Variants in TMCC1 observed in about 807,000 individuals in gnomAD.
The protein encoded by TMCC1 is transmembrane and coiled-coil domain family 1.
TMCC1 carries 15 observed loss-of-function variants against 52.4 expected under a neutral mutation model. The observed-to-expected ratio is 0.29, with a 90% CI of 0.19 to 0.44. The LOEUF (loss-of-function observed/expected upper bound fraction) is 0.44. TMCC1 is among the 20% of genes least tolerant of loss of function. TMCC1 has a pLI of 1.00. For missense variants in TMCC1, 503 were observed against 806.0 expected (o/e 0.62, Z 4.55); for synonymous variants, 279 against 301.9 (o/e 0.92, Z 0.79).
chr3:129,883,126 T>TAA lies in TMCC1; in HGVS notation c.-434-2569_-434-2568dup, dbSNP rs1248090142. 5.2e-5 allele frequency among the ~76,000 whole-genome samples: 7 copies of TAA among 135,052 alleles called. No homozygotes were observed. In the East Asian group the frequency reaches 1.9e-3, roughly 36 times the overall value. The allele number at this position is 135,052 out of a possible 152,430, so 88.6% of individuals were successfully genotyped here. A position where few individuals can be genotyped will look rare whatever the true frequency, so the allele number is the denominator to read the frequency against. On this transcript the variant is annotated intron_variant, in intron 1 of 6. Coordinates refer to ENST00000393238, the MANE Select transcript of TMCC1 (RefSeq NM_001017395.5). ...CAACGTGGTGAAACCCTGCCTCTACTAAAAACACACACACACACACACACA... is the reference window on the plus strand; with the variant it reads ...CAACGTGGTGAAACCCTGCCTCTACTAAAAAAACACACACACACACACACACA...
intron 4 of TMCC1, among the ~76,000 whole-genome samples, chr3:129,806,308 T>C (rs2057462104): frequency 6.6e-6 from 1 of 152,254 alleles, no homozygotes; most frequent in Non-Finnish European, 1.5e-5. Flanking sequence ...CCAATAAAAT[T>C]ATGAAAGATG....
At chr3:129,693,827 C>T (rs56197897) in intron 4 of TMCC1, among the ~76,000 whole-genome samples, 2,354 of 152,204 alleles carry the variant, frequency 0.015, 47 homozygotes, top group African/African-American at 0.054. Flanking sequence ...ACTGAGTTTT[C>T]CTTAACTTAT....
At position 129,802,678 on chromosome 3, in the gene TMCC1, C is replaced by T. The variant is rs1423745870; in HGVS notation, c.576+25125G>A. Among the ~76,000 whole-genome samples, 3 of 152,110 alleles carry T rather than the reference C, an allele frequency of 2.0e-5. No homozygotes were observed. In the East Asian group the frequency reaches 5.8e-4, roughly 29 times the overall value. On this transcript the variant is annotated intron_variant, in intron 4 of 6. Coordinates refer to ENST00000393238, the MANE Select transcript of TMCC1 (RefSeq NM_001017395.5). ...GGCCATTGTAACCAAGACAGTATTC[C>T]TGTGAAAGGAGGAGGAAAACTTGTG... is the stretch of plus-strand genomic sequence containing the variant.
At chr3:129,813,025 A>T (rs1185851143) in intron 4 of TMCC1, among the ~76,000 whole-genome samples, 1 of 152,240 alleles carries the variant, frequency 6.6e-6, no homozygotes, top group Non-Finnish European at 1.5e-5. Flanking sequence ...ACTTTTCAAA[A>T]GATAACATGC....
intron 4 of TMCC1, among the ~76,000 whole-genome samples, chr3:129,815,858 G>A (rs1041609523): frequency 6.6e-6 from 1 of 152,140 alleles, no homozygotes; most frequent in Non-Finnish European, 1.5e-5. Flanking sequence ...TCTGACAAGG[G>A]ATTAATAACC....
chr3:129,829,427 C>T (rs1425070041), intron 3 of TMCC1, among the ~76,000 whole-genome samples: 7 of 88,824 alleles, frequency 7.9e-5, no homozygotes, highest in African/African-American at 2.9e-4. Context: ...ATCAACGCAA[C>T]TGCCATGGTT....
chr3:129,736,245 C>T (rs1040487842), intron 4 of TMCC1, among the ~76,000 whole-genome samples: 4 of 152,178 alleles, frequency 2.6e-5, no homozygotes, highest in Non-Finnish European at 2.9e-5. Context: ...AAATGCCAAA[C>T]TATCAATTCT....
intron 4 of TMCC1, among the ~76,000 whole-genome samples, chr3:129,798,001 C>CTTT (rs1164349474): frequency 1.1e-5 from 1 of 88,598 alleles, no homozygotes; most frequent in Non-Finnish European, 2.4e-5. Context: ...TTTTTTTTTT[C>CTTT]TTTTTTTTTT....
chr3:129,862,538 G>A (rs1354074232), intron 2 of TMCC1, among the ~76,000 whole-genome samples: 1 of 152,064 alleles, frequency 6.6e-6, no homozygotes, highest in Non-Finnish European at 1.5e-5. Context: ...CTAAAGTAAG[G>A]GATGAGCTCA....
chr3:129,774,269 G>A (rs976075635), intron 4 of TMCC1, among the ~76,000 whole-genome samples: 5 of 152,156 alleles, frequency 3.3e-5, no homozygotes, highest in African/African-American at 7.2e-5. Flanking sequence ...GCACTGACCA[G>A]TTTATTATAT....
intron 2 of TMCC1, among the ~76,000 whole-genome samples, chr3:129,859,281 C>T (rs949813138): frequency 2.6e-5 from 4 of 152,118 alleles, no homozygotes; most frequent in Non-Finnish European, 2.9e-5. Flanking sequence ...TATTTAAGCA[C>T]GTAAGTCACT....
intron 5 of TMCC1, 45 bp downstream of exon 5, chr3:129,670,285 G>A (rs2087812088): frequency 1.3e-6 from 2 of 1,566,880 alleles, no homozygotes; most frequent in African/African-American, 2.7e-5. Context: ...AAAGGGAGGG[G>A]AACCCTACAC....
chr3:129,876,650 A>G (rs969077547), intron 2 of TMCC1, among the ~76,000 whole-genome samples: 1 of 151,908 alleles, frequency 6.6e-6, no homozygotes, highest in African/African-American at 2.4e-5. Context: ...AATAAATAAA[A>G]TTAAAAAAAA....
chr3:129,849,077 C>T (rs137924610), intron 2 of TMCC1, among the ~76,000 whole-genome samples: 2 of 152,296 alleles, frequency 1.3e-5, no homozygotes, highest in African/African-American at 2.4e-5. Context: ...TTTCTTACTG[C>T]TACTACTACT....
intron 4 of TMCC1, among the ~76,000 whole-genome samples, chr3:129,733,637 C>T (rs2050718275): frequency 6.6e-6 from 1 of 152,094 alleles, no homozygotes; most frequent in South Asian, 2.1e-4. Flanking sequence ...AAAAATTTTC[C>T]CCAAAGTTAT....
At chr3:129,663,531 C>T (rs1302765167) in intron 5 of TMCC1, among the ~76,000 whole-genome samples, 1 of 152,000 alleles carries the variant, frequency 6.6e-6, no homozygotes, top group African/African-American at 2.4e-5. Context: ...ATTTTTTTCT[C>T]CTTACCTTTT....
intron 4 of TMCC1, among the ~76,000 whole-genome samples, chr3:129,814,724 T>C (rs1234354691): frequency 6.6e-6 from 1 of 151,912 alleles, no homozygotes; most frequent in East Asian, 1.9e-4. Flanking sequence ...TCTATGCAAC[T>C]GGAAAACAAA....
At chr3:129,757,669 A>G (rs1189602232) in intron 4 of TMCC1, among the ~76,000 whole-genome samples, 2 of 152,024 alleles carry the variant, frequency 1.3e-5, no homozygotes, top group Non-Finnish European at 2.9e-5. Context: ...AAAAACAAAC[A>G]AACAAAAAAA....
intron 4 of TMCC1, among the ~76,000 whole-genome samples, chr3:129,726,233 AG>A (rs2050069792): frequency 6.6e-6 from 1 of 152,192 alleles, no homozygotes; most frequent in Non-Finnish European, 1.5e-5. Context: ...TCTAACTAGA[AG>A]GGCTTCGTAT....
Sources: gnomAD v4.1 joint callset for allele counts (sites outside exome capture counted in the v4.1 genomes callset) on GRCh38, gnomAD v4.1.1 for gene constraint, MANE v1.5 for transcripts, NCBI Gene and HGNC (gene_info 2026-07-23, HGNC 2026-07-21) for gene names.